OLFML2B: variants seen among roughly 807,000 people sequenced by gnomAD.
The protein encoded by OLFML2B is olfactomedin-like protein 2B.
In OLFML2B, 57 loss-of-function variants were observed where a neutral mutation model predicts 74.9. The ratio of observed to expected loss-of-function variants is 0.76; its 90% CI spans 0.61 to 0.95. The LOEUF (loss-of-function observed/expected upper bound fraction) is 0.95, where lower values mean the gene tolerates loss of function less well. OLFML2B is among the 40% of genes least tolerant of loss of function. OLFML2B has a pLI of 0.00. For synonymous variants in OLFML2B, 388 were observed against 405.8 expected, an observed-to-expected ratio of 0.96 and a Z score of 0.53; for missense variants, 986 against 970.6, an observed-to-expected ratio of 1.02 and a Z score of -0.21.
intron 4 of OLFML2B, among the ~76,000 whole-genome samples, chr1:162,001,057 A>G (rs1690068610): frequency 6.6e-6 from 1 of 152,124 alleles, no homozygotes; most frequent in Non-Finnish European, 1.5e-5. Context: ...CACTGGATCT[A>G]TGTTCAGCCT....
Position 162,020,045 on chromosome 1 carries a change from G to A in OLFML2B, c.312C>T (p.Thr104=), listed in dbSNP as rs778879566. 48 of 1,614,036 alleles carry A rather than the reference G, an allele frequency of 3.0e-5. No individual in the cohort carries two copies. Among genetic ancestry groups the A allele is most frequent in the Middle Eastern group, 3.3e-4 (2 of 6,084 alleles). ...AGASRKEDFY[T]VETITSGSSC... is the part of the protein sequence containing the mutation. ...ACGAGCCTGAGGTGATGGTTTCCAC[G>A]GTATAGAAGTCTTCCTTCCTGGAGG... The change falls in exon 2 of 8, where the codon ACC becomes ACT. Residue 104 remains threonine (T), a synonymous_variant. Transcript: ENST00000294794.
intron 6 of OLFML2B, among the ~76,000 whole-genome samples, chr1:161,992,726 A>T (rs1689776253): frequency 6.6e-6 from 1 of 152,210 alleles, no homozygotes; most frequent in South Asian, 2.1e-4. Context: ...GCAGCAGATC[A>T]CACACAGCAT....
In OLFML2B at chr1:162,017,503, G is replaced by A; in HGVS notation, c.443C>T (p.Ser148Phe). The change falls in exon 3 of 8, where the codon TCC (serine) becomes TTC (phenylalanine). Residue 148 changes from serine (S) to phenylalanine (F), a missense_variant. Ser to Phe is a radical substitution (Grantham distance 155). Transcript: ENST00000294794. ...READSQDLKL[S>F]TIIDMLEGAF... ...TCCTTCCAACATGTCTATGATTGTG[G>A]AGAGCTATGAAACAAGGCAAGGGGT... 1.2e-6 allele frequency: 2 copies of A among 1,610,072 alleles called. No homozygotes were observed. The highest frequency in any genetic ancestry group is 1.7e-6 in the Non-Finnish European group (2 of 1,178,340).
rs777349963 is a variant in OLFML2B, at chr1:162,023,281, G to T, written c.150C>A (p.Asp50Glu). The change falls in exon 1 of 8, where the codon GAC (aspartate) becomes GAA (glutamate). Residue 50 changes from aspartate to glutamate, a missense_variant. Coordinates refer to ENST00000294794, the MANE Select transcript of OLFML2B (RefSeq NM_015441.3). The stretch of plus-strand genomic sequence containing the variant: ...CCTGAGATAAAACGTTCTCCTGGTT[G>T]TCCGCCTCGTTTTGCAGAGTCTCGT... ...AEDETLQNEA[D>E]NQENVLSQLL... 6.4e-7 allele frequency: 1 copy of T among 1,562,552 alleles called. No individual in the cohort carries two copies. Among genetic ancestry groups the T allele is most frequent in the Admixed American group, 1.8e-5 (1 of 55,196 alleles).
intron 4 of OLFML2B, among the ~76,000 whole-genome samples, chr1:162,005,923 A>G (rs1251132715): frequency 6.2e-5 from 9 of 146,218 alleles, no homozygotes; most frequent in Non-Finnish European, 1.0e-4. Context: ...AAAAAAAAAA[A>G]AAAAATCATG....
chr1:161,997,532 G>A (rs1026726222), intron 6 of OLFML2B, among the ~76,000 whole-genome samples: 2 of 152,184 alleles, frequency 1.3e-5, no homozygotes, highest in Non-Finnish European at 1.5e-5. Flanking sequence ...AAAGCCTAGT[G>A]TATGGATAGC....
intron 5 of OLFML2B, among the ~76,000 whole-genome samples, chr1:161,999,399 T>C (rs1397650562): frequency 1.3e-5 from 2 of 151,492 alleles, no homozygotes; most frequent in African/African-American, 4.9e-5. Flanking sequence ...AAAAAACACA[T>C]GGGCAAAATG....
chr1:161,995,591 G>GA (rs1689872360), intron 6 of OLFML2B, among the ~76,000 whole-genome samples: 2 of 152,318 alleles, frequency 1.3e-5, no homozygotes, highest in South Asian at 4.1e-4. Context: ...GGCAGTTGGG[G>GA]AGAGGCTGGG....
chr1:162,023,402 T>C lies in OLFML2B; in HGVS notation c.29A>G (p.Tyr10Cys), dbSNP rs12130792. ...GGCCGGAACCACAATCAGAGCGAAG[T>C]AGAGAACTAGCAGCCGAGGCTTGGC... Reference protein sequence around the residue: MAKPRLLVLYFALIVVPAWV... With the variant: MAKPRLLVLCFALIVVPAWV... Residue 10 changes from tyrosine to cysteine, a missense_variant, in exon 1 of 8, where the codon TAC (tyrosine) becomes TGC (cysteine). Physicochemically the swap from Tyr to Cys is radical, Grantham distance 194. Coordinates refer to ENST00000294794, the MANE Select transcript of OLFML2B (RefSeq NM_015441.3). 114,777 of 1,584,534 alleles carry C rather than the reference T, an allele frequency of 0.072. 4,583 individuals are homozygous for C. Among genetic ancestry groups the C allele is most frequent in the East Asian group, 0.14 (6,108 of 43,120 alleles).
In OLFML2B at chr1:161,984,243, C is replaced by T; in HGVS notation, c.1685G>A (p.Ser562Asn). 2 of 1,533,658 alleles carry T rather than the reference C, an allele frequency of 1.3e-6. No individual in the cohort carries two copies. The highest frequency in any genetic ancestry group is 1.8e-6 in the Non-Finnish European group (2 of 1,141,348). The stretch of plus-strand genomic sequence containing the variant: ...TACCACGTGGCCTGTGCCGATCCAG[C>T]TGTACGGGAGCTTGTAGGAATTGCT... Reference protein sequence around the residue: ...RWSNSYKLPYSWIGTGHVVYN... With the variant: ...RWSNSYKLPYNWIGTGHVVYN... The change falls in exon 8 of 8, where the codon AGC (serine) becomes AAC (asparagine). Residue 562 changes from serine (S) to asparagine (N), a missense_variant. Transcript: ENST00000294794.
At chr1:162,023,233 C>T (rs764464201) in intron 1 of OLFML2B, 24 bp downstream of exon 1, 65 of 1,472,558 alleles carry the variant, frequency 4.4e-5, no homozygotes, top group Middle Eastern at 1.8e-4. Flanking sequence ...GCAAGAAGGG[C>T]GGTCGTGGCA....
chr1:161,994,180 G>GGGC, intron 6 of OLFML2B, among the ~76,000 whole-genome samples: 1 of 152,352 alleles, frequency 6.6e-6, no homozygotes, highest in East Asian at 1.9e-4. Flanking sequence ...TGTGGAGCTG[G>GGGC]GGCTGGGGGA....
chr1:162,010,085 C>A (rs536960776), intron 3 of OLFML2B, among the ~76,000 whole-genome samples: 1 of 152,304 alleles, frequency 6.6e-6, no homozygotes, highest in African/African-American at 2.4e-5. Context: ...TACCCATGGC[C>A]CCTGCCAAGG....
intron 6 of OLFML2B, among the ~76,000 whole-genome samples, chr1:161,991,170 G>C (rs1689731977): frequency 6.6e-6 from 1 of 152,192 alleles, no homozygotes; most frequent in Admixed American, 6.5e-5. Flanking sequence ...CTCTTCCCAT[G>C]AATCATGAAT....
At chr1:161,999,945 C>A (rs577147638) in intron 5 of OLFML2B, among the ~76,000 whole-genome samples, 168 bp downstream of exon 5, 2 of 152,162 alleles carry the variant, frequency 1.3e-5, no homozygotes, top group Admixed American at 6.5e-5. Context: ...GGCCACTCAG[C>A]GAGCTGTGAG....
intron 6 of OLFML2B, among the ~76,000 whole-genome samples, chr1:161,995,533 T>C (rs780910731): frequency 2.6e-5 from 4 of 152,156 alleles, no homozygotes; most frequent in Non-Finnish European, 5.9e-5. Context: ...GAGTTATAAG[T>C]GTCCCTGAAA....
In OLFML2B at chr1:162,023,484, G is replaced by C. The variant is rs1690792955; in HGVS notation, c.-54C>G. 7.2e-7 allele frequency: 1 copy of C among 1,382,432 alleles called. No homozygotes were observed. 85.6% of individuals were successfully genotyped at this position (1,382,432 alleles called of 1,614,324 possible). On this transcript the variant is annotated 5_prime_UTR_variant, in exon 1 of 8. Transcript: ENST00000294794. ...CCTTCAGAGAATGGCTGGGGCGGGG[G>C]GTCTCGGCAAGGACTTCTGCGAGAG...
Position 161,984,236 on chromosome 1 carries a change from G to A in OLFML2B, c.1692C>T (p.Ile564=), listed in dbSNP as rs780607239. The part of the protein sequence containing the change: ...SNSYKLPYSW[I]GTGHVVYNGA... The stretch of plus-strand genomic sequence containing the variant: ...CATTGTATACCACGTGGCCTGTGCC[G>A]ATCCAGCTGTACGGGAGCTTGTAGG... Residue 564 remains isoleucine (I), a synonymous_variant, in exon 8 of 8, where the codon ATC becomes ATT. Coordinates refer to ENST00000294794, the MANE Select transcript of OLFML2B (RefSeq NM_015441.3). The A allele has an allele frequency of 6.5e-6, 10 of 1,538,906 alleles. No individual in the cohort carries two copies. Among genetic ancestry groups the A allele is most frequent in the Middle Eastern group, 1.8e-4 (1 of 5,706 alleles).
At position 162,022,260 on chromosome 1, in the gene OLFML2B, T is replaced by TTTTTC. The variant is rs1553251576; in HGVS notation, c.174+996_174+997insGAAAA. Among the ~76,000 whole-genome samples the TTTTTC allele has an allele frequency of 1.4e-3, 182 of 127,890 alleles. 1 individual carries two copies. Among genetic ancestry groups the TTTTTC allele is most frequent in the Middle Eastern group, 4.3e-3 (1 of 230 alleles). The allele number at this position is 127,890 out of a possible 152,430, so 83.9% of individuals were successfully genotyped here. On this transcript the variant is annotated intron_variant, in intron 1 of 7. Transcript: ENST00000294794. Reference sequence around the variant, plus strand: ...GTATCTCTTCTTTTTTTTTTTTTTTTTTTTTTTTGAGACGGAGTCTCACTC... The same window carrying TTTTTC: ...GTATCTCTTCTTTTTTTTTTTTTTTTTTTTCTTTTTTTTGAGACGGAGTCTCACTC...
Sources: allele counts gnomAD v4.1 joint callset (sites outside exome capture counted in the v4.1 genomes callset), GRCh38; gene constraint gnomAD v4.1.1; transcripts MANE v1.5; gene names NCBI Gene and HGNC (gene_info 2026-07-23, HGNC 2026-07-21).